Variants in GPC5 observed in about 807,000 individuals in gnomAD.
GPC5 encodes glypican 5.
GPC5 carries 47 observed loss-of-function variants against 53.9 expected under a neutral mutation model. The observed-to-expected ratio is 0.87, with a 90% CI of 0.69 to 1.11. The LOEUF (loss-of-function observed/expected upper bound fraction) is 1.11. Among genes scored for constraint, GPC5 ranks in the 50% most tolerant of loss-of-function variants. GPC5 has a pLI of 0.00. For missense variants in GPC5, 748 were observed against 713.1 expected (o/e 1.05, Z -0.56); for synonymous variants, 286 against 263.3 (o/e 1.09, Z -0.84).
intron 6 of GPC5, among the ~76,000 whole-genome samples, chr13:91,931,312 A>C (rs2039819404): frequency 6.6e-6 from 1 of 152,086 alleles, no homozygotes; most frequent in African/African-American, 2.4e-5. Context: ...GTATAACATC[A>C]AAAAGCAACT....
intron 7 of GPC5, among the ~76,000 whole-genome samples, chr13:92,370,202 A>C (rs1469353838): frequency 1.3e-5 from 2 of 152,216 alleles, no homozygotes; most frequent in Admixed American, 6.5e-5. Flanking sequence ...AGGAGAAGTC[A>C]TTAAAAATGT....
At chr13:91,665,208 G>T (rs971672337) in intron 2 of GPC5, among the ~76,000 whole-genome samples, 2 of 152,160 alleles carry the variant, frequency 1.3e-5, no homozygotes, top group African/African-American at 2.4e-5. Context: ...TGCTTTCAAG[G>T]CTTCTCCGTA....
chr13:91,541,125 A>G (rs2029902439), intron 2 of GPC5, among the ~76,000 whole-genome samples: 1 of 152,198 alleles, frequency 6.6e-6, no homozygotes. Context: ...AATTTGAATA[A>G]CATTCTAATG....
chr13:91,565,687 T>C (rs1223777465), intron 2 of GPC5, among the ~76,000 whole-genome samples: 2 of 152,266 alleles, frequency 1.3e-5, no homozygotes, highest in Non-Finnish European at 2.9e-5. Context: ...CTATTAGTTA[T>C]ATTATTAATG....
intron 7 of GPC5, among the ~76,000 whole-genome samples, chr13:92,775,804 T>C (rs917320631): frequency 6.6e-6 from 1 of 152,242 alleles, no homozygotes; most frequent in African/African-American, 2.4e-5. Context: ...AAAACATTCA[T>C]TGACAACGGT....
intron 7 of GPC5, among the ~76,000 whole-genome samples, chr13:92,308,261 T>C (rs2043123879): frequency 6.6e-6 from 1 of 152,166 alleles, no homozygotes; most frequent in African/African-American, 2.4e-5. Context: ...GAGTTAAAAA[T>C]TAATTTAGGG....
At chr13:92,159,593 CTTTTTTTTTTTTTTTTT>C (rs71120074) in intron 7 of GPC5, among the ~76,000 whole-genome samples, 6 of 57,218 alleles carry the variant, frequency 1.0e-4, no homozygotes, top group African/African-American at 3.9e-4. Context: ...TACCAATGTT[CTTTTTTTTTTTTTTTTT>C]TTTTTTTTTT....
chr13:92,655,322 T>TTAC (rs1886091414), intron 7 of GPC5, among the ~76,000 whole-genome samples: 1 of 136,536 alleles, frequency 7.3e-6, no homozygotes, highest in Admixed American at 7.3e-5. Context: ...TATTTATTTA[T>TTAC]TTATTTATTT....
At chr13:92,381,930 GATTATA>G (rs2043750371) in intron 7 of GPC5, among the ~76,000 whole-genome samples, 1 of 58,378 alleles carries the variant, frequency 1.7e-5, no homozygotes, top group African/African-American at 4.9e-5. Flanking sequence ...TCATATATAT[GATTATA>G]TATGAAATAA....
At chr13:92,231,422 G>T (rs1304214686) in intron 7 of GPC5, among the ~76,000 whole-genome samples, 4 of 152,080 alleles carry the variant, frequency 2.6e-5, no homozygotes, top group African/African-American at 9.7e-5. Context: ...TCAACAAAAT[G>T]CTAATTAGTC....
intron 3 of GPC5, among the ~76,000 whole-genome samples, chr13:91,720,830 T>G (rs2036447706): frequency 6.6e-6 from 1 of 152,176 alleles, no homozygotes; most frequent in Non-Finnish European, 1.5e-5. Context: ...TGAATCTGTC[T>G]TTCTTTCACT....
chr13:92,815,431 C>T (rs991983333), intron 7 of GPC5, among the ~76,000 whole-genome samples: 2 of 151,814 alleles, frequency 1.3e-5, no homozygotes, highest in Admixed American at 6.6e-5. Context: ...AGAGGAAGAG[C>T]GAGGGGTCAA....
At chr13:91,685,885 G>T (rs183865320) in intron 2 of GPC5, among the ~76,000 whole-genome samples, 159 of 151,004 alleles carry the variant, frequency 1.1e-3, no homozygotes, top group Middle Eastern at 7.0e-3. Context: ...GAAAGCTTTT[G>T]TTTATTTAAA....
intron 7 of GPC5, among the ~76,000 whole-genome samples, chr13:92,146,130 G>A (rs945525103): frequency 3.3e-5 from 5 of 152,072 alleles, no homozygotes. Flanking sequence ...GAGAATTGGT[G>A]CACTTGAGCA....
intron 7 of GPC5, among the ~76,000 whole-genome samples, chr13:92,828,922 A>G (rs781709569): frequency 6.6e-6 from 1 of 152,186 alleles, no homozygotes; most frequent in Non-Finnish European, 1.5e-5. Flanking sequence ...ATACACGAAA[A>G]GCTTAGACTT....
intron 6 of GPC5, among the ~76,000 whole-genome samples, chr13:91,929,768 T>C (rs181961947): frequency 2.6e-4 from 40 of 152,002 alleles, no homozygotes; most frequent in Admixed American, 9.2e-4. Flanking sequence ...AGAAATTGCA[T>C]TGGTATATTA....
intron 5 of GPC5, among the ~76,000 whole-genome samples, chr13:91,882,810 T>C (rs1176101403): frequency 1.3e-5 from 2 of 151,874 alleles, no homozygotes; most frequent in Non-Finnish European, 2.9e-5. Flanking sequence ...TCTTTATAAA[T>C]ATTAGGCTGG....
At chr13:92,403,790 A>G (rs1318586915) in intron 7 of GPC5, among the ~76,000 whole-genome samples, 2 of 152,238 alleles carry the variant, frequency 1.3e-5, no homozygotes, top group Non-Finnish European at 2.9e-5. Context: ...AAATGCTAAT[A>G]GAGATTTTGT....
At chr13:92,757,655 T>C (rs930397457) in intron 7 of GPC5, among the ~76,000 whole-genome samples, 6 of 150,392 alleles carry the variant, frequency 4.0e-5, no homozygotes, top group Non-Finnish European at 8.9e-5. Flanking sequence ...AACAACCCCA[T>C]CAAAAAGTGG....
Sources: allele counts gnomAD v4.1 joint callset (sites outside exome capture counted in the v4.1 genomes callset), GRCh38; gene constraint gnomAD v4.1.1; transcripts MANE v1.5; gene names NCBI Gene and HGNC (gene_info 2026-07-23, HGNC 2026-07-21).